PTCSC3: variants seen among roughly 807,000 people sequenced by gnomAD.
PTCSC3 encodes the protein papillary thyroid carcinoma susceptibility candidate 3.
intron 2 of PTCSC3, among the ~76,000 whole-genome samples, chr14:36,155,357 A>T (rs1165076858): frequency 6.6e-6 from 1 of 152,190 alleles, no homozygotes; most frequent in East Asian, 1.9e-4. Context: ...TTAGATGATG[A>T]TATACATACT....
At chr14:36,175,134 C>G (rs751096115) in intron 1 of PTCSC3, among the ~76,000 whole-genome samples, 1 of 152,182 alleles carries the variant, frequency 6.6e-6, no homozygotes, top group Non-Finnish European at 1.5e-5. Flanking sequence ...CTACTTGCTT[C>G]AGTTACCCTG....
intron 2 of PTCSC3, among the ~76,000 whole-genome samples, chr14:36,155,136 A>G (rs1364518755): frequency 6.6e-6 from 1 of 152,204 alleles, no homozygotes; most frequent in African/African-American, 2.4e-5. Context: ...TTAAATGGCC[A>G]AAGAGCTATA....
chr14:36,160,005 T>C (rs1881920600), intron 2 of PTCSC3, among the ~76,000 whole-genome samples: 1 of 152,200 alleles, frequency 6.6e-6, no homozygotes. Context: ...TTTTGATCTT[T>C]ATTGGTTTAA....
chr14:36,161,476 C>T (rs1196584108), intron 2 of PTCSC3, among the ~76,000 whole-genome samples: 4 of 152,204 alleles, frequency 2.6e-5, no homozygotes, highest in Admixed American at 2.6e-4. Flanking sequence ...TTCTGACAGA[C>T]CACTCTGCTG....
intron 1 of PTCSC3, among the ~76,000 whole-genome samples, chr14:36,166,627 T>G (rs1287130082): frequency 6.6e-6 from 1 of 152,174 alleles, no homozygotes; most frequent in Non-Finnish European, 1.5e-5. Context: ...ATTGTTACAG[T>G]TGTCCCAGAA....
At chr14:36,137,446 G>A (rs1223012526) in intron 3 of PTCSC3, among the ~76,000 whole-genome samples, 1 of 152,100 alleles carries the variant, frequency 6.6e-6, no homozygotes, top group African/African-American at 2.4e-5. Flanking sequence ...TATGGTGCTG[G>A]GTATAATTAA....
chr14:36,174,139 G>A (rs1882240220), intron 1 of PTCSC3, among the ~76,000 whole-genome samples: 1 of 152,100 alleles, frequency 6.6e-6, no homozygotes, highest in Non-Finnish European at 1.5e-5. Flanking sequence ...CTCTTCAAAT[G>A]TGGGGAGTTC....
At chr14:36,137,727 T>A (rs552458310) in intron 3 of PTCSC3, among the ~76,000 whole-genome samples, 1 of 152,310 alleles carries the variant, frequency 6.6e-6, no homozygotes, top group East Asian at 1.9e-4. Flanking sequence ...TATGTGATCT[T>A]ACATAACATG....
chr14:36,147,867 T>A (rs1391337047), intron 3 of PTCSC3, among the ~76,000 whole-genome samples: 1 of 151,974 alleles, frequency 6.6e-6, no homozygotes, highest in Non-Finnish European at 1.5e-5. Context: ...TGTTTGTTAG[T>A]TTTCCTTCTA....
Position 36,154,764 on chromosome 14 carries a change from G to A in PTCSC3, n.232-870C>T, listed in dbSNP as rs1044092828. On this transcript the variant is annotated intron_variant and non_coding_transcript_variant, in intron 2 of 3. Coordinates refer to ENST00000556013, the Ensembl canonical transcript of PTCSC3. ...GGGGGAGGGGCAAGGAGCTGGGGAA[G>A]TTCAGTTTTAAACATGTTAGGATTG... is the stretch of plus-strand genomic sequence containing the variant. Among the ~76,000 whole-genome samples the A allele has an allele frequency of 2.0e-5, 3 of 152,158 alleles. No individual in the cohort carries two copies. The East Asian group carries it at 5.8e-4, about 29-fold the overall frequency.
intron 3 of PTCSC3, among the ~76,000 whole-genome samples, chr14:36,152,463 C>A (rs1020787978): frequency 1.3e-5 from 2 of 150,676 alleles, no homozygotes; most frequent in Non-Finnish European, 3.0e-5. Flanking sequence ...GAGATCCCAT[C>A]AAAAAAAGGC....
At chr14:36,154,249 G>A (rs1399480242) in intron 2 of PTCSC3, among the ~76,000 whole-genome samples, 2 of 152,172 alleles carry the variant, frequency 1.3e-5, no homozygotes, top group Non-Finnish European at 2.9e-5. Flanking sequence ...CTTCTGGTGA[G>A]TGATCTGGGT....
At chr14:36,147,395 C>T (rs1169259585) in intron 3 of PTCSC3, among the ~76,000 whole-genome samples, 1 of 152,122 alleles carries the variant, frequency 6.6e-6, no homozygotes, top group Admixed American at 6.5e-5. Context: ...CTTCCCTTCT[C>T]CCTTCATTTC....
chr14:36,138,411 TA>T (rs1881336720), intron 3 of PTCSC3, among the ~76,000 whole-genome samples: 1 of 152,202 alleles, frequency 6.6e-6, no homozygotes, highest in African/African-American at 2.4e-5. Context: ...AAAGGCAAAC[TA>T]AAAACTGTCA....
intron 3 of PTCSC3, among the ~76,000 whole-genome samples, chr14:36,152,998 A>G (rs1361154282): frequency 1.3e-5 from 2 of 152,214 alleles, no homozygotes; most frequent in East Asian, 3.8e-4. Flanking sequence ...AGCTTGGACT[A>G]CTATAGCAGA....
At chr14:36,173,658 T>C (rs1371482172) in intron 1 of PTCSC3, among the ~76,000 whole-genome samples, 1 of 151,500 alleles carries the variant, frequency 6.6e-6, no homozygotes, top group African/African-American at 2.4e-5. Flanking sequence ...TCTAAAACTG[T>C]TCATGTTTCT....
intron 3 of PTCSC3, among the ~76,000 whole-genome samples, chr14:36,152,658 C>T (rs988483434): frequency 6.6e-6 from 1 of 152,024 alleles, no homozygotes; most frequent in Non-Finnish European, 1.5e-5. Context: ...TTTGGGAGGT[C>T]GAGGCAGGCA....
intron 3 of PTCSC3, among the ~76,000 whole-genome samples, chr14:36,148,844 A>G (rs1047710455): frequency 6.6e-6 from 1 of 152,074 alleles, no homozygotes; most frequent in African/African-American, 2.4e-5. Flanking sequence ...TTATCCTTTT[A>G]TTGGCCATGG....
At chr14:36,168,704 C>T (rs1407050701) in intron 1 of PTCSC3, among the ~76,000 whole-genome samples, 1 of 152,130 alleles carries the variant, frequency 6.6e-6, no homozygotes, top group Admixed American at 6.6e-5. Context: ...CAGCCTCAAA[C>T]TCCTGGGCTT....
Sources: allele counts gnomAD v4.1 joint callset (sites outside exome capture counted in the v4.1 genomes callset), GRCh38; gene constraint gnomAD v4.1.1; transcripts MANE v1.5; gene names NCBI Gene and HGNC (gene_info 2026-07-23, HGNC 2026-07-21).